Variants in STK3 observed in about 807,000 individuals in gnomAD.
The protein encoded by STK3 is serine/threonine kinase 3.
In STK3, 41 loss-of-function variants were observed where a neutral mutation model predicts 58.0. The ratio of observed to expected loss-of-function variants is 0.71; its 90% confidence interval spans 0.55 to 0.92. The LOEUF is 0.92. Among genes scored for constraint, STK3 ranks in the 40% least tolerant of loss-of-function variants. The probability of loss-of-function intolerance (pLI) is 0.00; values close to 1 mark genes in which losing one functional copy is unlikely to be tolerated. For missense variants in STK3, 479 were observed against 602.7 expected (o/e 0.79, Z 2.15); for synonymous variants, 170 against 191.0 (o/e 0.89, Z 0.91).
chr8:98,828,046 G>C (rs2515225), upstream of STK3, among the ~76,000 whole-genome samples: 112,800 of 150,620 alleles, frequency 0.75, 42,480 homozygotes, highest in South Asian at 0.84. Flanking sequence ...GTGATCTCAG[G>C]TCACTGCAAC....
intron 10 of STK3, among the ~76,000 whole-genome samples, chr8:98,488,861 C>T (rs766132158): frequency 6.6e-6 from 1 of 152,182 alleles, no homozygotes; most frequent in Admixed American, 6.5e-5. Context: ...GCAACACTTT[C>T]GGTCTCTATT....
At chr8:98,848,524 C>T (rs1328261497) in intron 3 of STK3, among the ~76,000 whole-genome samples, 4 of 152,310 alleles carry the variant, frequency 2.6e-5, no homozygotes, top group Non-Finnish European at 4.4e-5. Context: ...GCTGGGATTA[C>T]AGGTGTGAGC....
At chr8:98,737,602 T>C (rs1828711726) in intron 4 of STK3, among the ~76,000 whole-genome samples, 1 of 152,214 alleles carries the variant, frequency 6.6e-6, no homozygotes, top group African/African-American at 2.4e-5. Flanking sequence ...TCTTAGATAC[T>C]AGCATTAGCC....
chr8:98,836,158 A>C (rs1006931823), intron 3 of STK3, among the ~76,000 whole-genome samples: 2 of 151,936 alleles, frequency 1.3e-5, no homozygotes, highest in Non-Finnish European at 2.9e-5. Context: ...CTGAGATCGC[A>C]CTATTGCACT....
intron 3 of STK3, among the ~76,000 whole-genome samples, chr8:98,750,229 G>A (rs967991178): frequency 2.6e-5 from 4 of 152,096 alleles, no homozygotes; most frequent in South Asian, 2.1e-4. Context: ...ATGAGATTTT[G>A]AAAGAAAAGT....
At chr8:98,883,065 C>T (rs570454328), downstream of STK3, 2 of 152,600 alleles carry the variant, frequency 1.3e-5, no homozygotes, top group Non-Finnish European at 2.9e-5. Flanking sequence ...CTATGGTAAG[C>T]ACAAGCACGT....
At chr8:98,533,596 T>G (rs1437955371) in intron 9 of STK3, among the ~76,000 whole-genome samples, 1 of 152,094 alleles carries the variant, frequency 6.6e-6, no homozygotes, top group Non-Finnish European at 1.5e-5. Context: ...CAAGCGATTT[T>G]CCCATCTCAG....
chr8:98,501,519 A>AG (rs1305493146), intron 10 of STK3, among the ~76,000 whole-genome samples: 1 of 152,138 alleles, frequency 6.6e-6, no homozygotes, highest in Non-Finnish European at 1.5e-5. Flanking sequence ...GTTTTCTTCT[A>AG]GGGTTTTTAT....
At chr8:98,743,461 C>T (rs1587489775) in intron 4 of STK3, among the ~76,000 whole-genome samples, 2 of 152,156 alleles carry the variant, frequency 1.3e-5, no homozygotes, top group East Asian at 3.9e-4. Flanking sequence ...CTTTGACAAA[C>T]CTGAGAAAAA....
At chr8:98,465,273 A>G (rs1034573830) in intron 10 of STK3, among the ~76,000 whole-genome samples, 1 of 152,136 alleles carries the variant, frequency 6.6e-6, no homozygotes, top group Admixed American at 6.5e-5. Flanking sequence ...TAGGCCCTCA[A>G]AGGCAACATC....
chr8:98,811,812 T>A (rs549411856), intron 1 of STK3, among the ~76,000 whole-genome samples: 4 of 152,338 alleles, frequency 2.6e-5, no homozygotes, highest in South Asian at 2.1e-4. Flanking sequence ...CTCAAACTAG[T>A]AAAATGAAAG....
chr8:98,900,351 G>A (rs941657207), intron 1 of STK3, among the ~76,000 whole-genome samples: 8 of 152,172 alleles, frequency 5.3e-5, no homozygotes, highest in African/African-American at 1.9e-4. Context: ...AAAGTGCTGA[G>A]ATTACAGGCG....
At chr8:98,919,120 T>C (rs1839453376) in intron 1 of STK3, among the ~76,000 whole-genome samples, 1 of 152,176 alleles carries the variant, frequency 6.6e-6, no homozygotes, top group Non-Finnish European at 1.5e-5. Flanking sequence ...TATTCTGCCA[T>C]ACATACTGTA....
At chr8:98,359,804 G>A in the STK3 span, among the ~76,000 whole-genome samples, 2 of 152,112 alleles carry the variant, frequency 1.3e-5, no homozygotes, top group Non-Finnish European at 2.9e-5. Flanking sequence ...AAATCTCAGA[G>A]GCTCATCTCT....
intron 6 of STK3, among the ~76,000 whole-genome samples, chr8:98,704,599 G>C (rs1825843184): frequency 6.6e-6 from 1 of 151,272 alleles, no homozygotes; most frequent in Non-Finnish European, 1.5e-5. Context: ...AGGCATCCTA[G>C]GAAGTTTGCA....
In STK3 at chr8:98,504,357, T is replaced by C. The variant is rs575790974; in HGVS notation, c.1317+22385A>G. Among the ~76,000 whole-genome samples the C allele has an allele frequency of 3.3e-5, 5 of 152,340 alleles. No individual in the cohort carries two copies. The South Asian group carries it at 8.3e-4, about 25-fold the overall frequency. On this transcript the variant is annotated intron_variant, in intron 10 of 10. Transcript: ENST00000419617. ...ACGCTTTATCCAATTTGCTAGTCTG[T>C]GTCTTTTAATTGGGGCATTTAGCCC...
intron 10 of STK3, 37 bp from the exon 11 acceptor site, chr8:98,456,037 T>C (rs1043444225): frequency 1.3e-6 from 2 of 1,532,086 alleles, no homozygotes; most frequent in Admixed American, 4.0e-5. Context: ...ACAATGAAAT[T>C]ATCCACATTA....
At position 98,428,165 on chromosome 8, in the gene STK3, C is replaced by T. The variant is rs1563599625; in HGVS notation, n.483+5962G>A. ...CCATTCTGGAGCTCTGCGATGACTA[C>T]GACGACGTCCAGCGGGAGTTCTACT... is the stretch of plus-strand genomic sequence containing the variant. On this transcript the variant is annotated intron_variant and non_coding_transcript_variant, in intron 3 of 3. Coordinates refer to the STK3 transcript ENST00000517832. The surrounding 1 kb of genome is among the most constrained non-coding windows in gnomAD (Gnocchi z 6.7). 3 of 1,614,088 alleles carry T rather than the reference C, an allele frequency of 1.9e-6. No individual in the cohort carries two copies. The highest frequency in any genetic ancestry group is 1.6e-4 in the Middle Eastern group (1 of 6,062).
chr8:98,875,100 A>G (rs890756670), intron 3 of STK3, among the ~76,000 whole-genome samples: 1 of 152,210 alleles, frequency 6.6e-6, no homozygotes, highest in African/African-American at 2.4e-5. Context: ...GTATCAATGG[A>G]TAGGTCCCAG....
Sources: gnomAD v4.1 joint callset for allele counts (sites outside exome capture counted in the v4.1 genomes callset) on GRCh38, gnomAD v4.1.1 for gene constraint, Gnocchi (gnomAD v3.1) non-coding constraint, MANE v1.5 for transcripts, NCBI Gene and HGNC (gene_info 2026-07-23, HGNC 2026-07-21) for gene names.